Variants in COL18A1 observed in about 807,000 individuals in gnomAD.
COL18A1 encodes the protein collagen alpha-1(XVIII) chain.
Under a neutral mutation model 168.0 loss-of-function variants are expected in COL18A1, and 133 were observed. The observed-to-expected ratio is 0.79, with a 90% CI of 0.69 to 0.91. The LOEUF is 0.91. Ranked by LOEUF, COL18A1 falls within the 40% of genes least tolerant of loss-of-function variation. The pLI, the probability that COL18A1 is intolerant of heterozygous loss-of-function variation, is 0.00. For synonymous variants in COL18A1, 949 were observed against 809.0 expected (o/e 1.17, Z -2.94); for missense variants, 2,126 against 1,925.4 (o/e 1.10, Z -1.95).
intron 28 of COL18A1, 145 bp downstream of exon 28, chr21:45,495,060 C>T (rs866681794): frequency 1.6e-4 from 122 of 760,386 alleles, no homozygotes; most frequent in Admixed American, 5.8e-4. Flanking sequence ...CCTGCCTGAG[C>T]GCAGCTCTTG....
At position 45,475,049 on chromosome 21, in the gene COL18A1, G is replaced by A. The variant is rs1021817654; in HGVS notation, c.739-427G>A. On this transcript the variant is annotated intron_variant, in intron 4 of 41. Coordinates refer to ENST00000651438, the MANE Select transcript of COL18A1 (RefSeq NM_001379500.1). Reference sequence around the variant, plus strand: ...CGGTCCCTGAGGATGTTTCTCCTCCGGGTTTTCCTGAAGTTTAAAACATCC... The same window carrying A: ...CGGTCCCTGAGGATGTTTCTCCTCCAGGTTTTCCTGAAGTTTAAAACATCC... Among the ~76,000 whole-genome samples, 2 of 152,182 alleles carry A rather than the reference G, an allele frequency of 1.3e-5. 1 individual carries two copies.
chr21:45,501,521 A>C lies in COL18A1; in HGVS notation c.2684-2490A>C, dbSNP rs139268507. Among the ~76,000 whole-genome samples the C allele has an allele frequency of 4.8e-3, 732 of 152,284 alleles. 6 individuals carry two copies. The highest frequency in any genetic ancestry group is 0.031 in the Middle Eastern group (9 of 294). On this transcript the variant is annotated intron_variant, in intron 32 of 41. Transcript: ENST00000651438. ...AGGGCAGTGGTCTTCCACGTGGCTC[A>C]GGAATCCAGGAGAAGCAGGTGGAAG...
chr21:45,483,863 C>T (rs1348870660), intron 15 of COL18A1, among the ~76,000 whole-genome samples: 2 of 151,912 alleles, frequency 1.3e-5, no homozygotes, highest in East Asian at 1.9e-4. Context: ...TGCATGTGCA[C>T]ATACACACAC....
intron 2 of COL18A1, among the ~76,000 whole-genome samples, chr21:45,436,178 A>G (rs1299102083): frequency 6.6e-6 from 1 of 152,170 alleles, no homozygotes; most frequent in Non-Finnish European, 1.5e-5. Context: ...CCTCTGGTGA[A>G]TGCCCACGTG....
At chr21:45,408,796 G>A (rs541001423) in intron 2 of COL18A1, among the ~76,000 whole-genome samples, 1 of 152,286 alleles carries the variant, frequency 6.6e-6, no homozygotes, top group South Asian at 2.1e-4. Context: ...GTCTGGCTGT[G>A]GAGCGTATGT....
intron 32 of COL18A1, chr21:45,497,864 C>T (rs2036594857): frequency 5.9e-6 from 4 of 678,792 alleles, no homozygotes; most frequent in East Asian, 2.7e-5. Flanking sequence ...GGCTGCAGGG[C>T]ACAAGCCCAG....
intron 41 of COL18A1, among the ~76,000 whole-genome samples, 186 bp downstream of exon 41, chr21:45,511,412 CA>C (rs1285516359): frequency 6.6e-6 from 1 of 152,144 alleles, no homozygotes; most frequent in Admixed American, 6.5e-5. Flanking sequence ...TCATCATTAG[CA>C]ATGCGTTTGA....
chr21:45,480,323 C>T, intron 11 of COL18A1, 144 bp from the exon 12 acceptor site: 1 of 1,478,414 alleles, frequency 6.8e-7, no homozygotes, highest in Non-Finnish European at 9.3e-7. Flanking sequence ...TGCCTTCAGG[C>T]TTCTCTGGGG....
At position 45,480,766 on chromosome 21, in the gene COL18A1, C is replaced by A. The variant is rs764759377; in HGVS notation, c.1519C>A (p.Arg507Ser). 1 of 1,611,352 alleles carries A rather than the reference C, an allele frequency of 6.2e-7. No homozygotes were observed. The highest frequency in any genetic ancestry group is 1.7e-5 in the Admixed American group (1 of 59,998). ...CCCAGGCCTGCCCGGCGAGCCAGGC[C>A]GCTTTGGGGTGAACAGCTCCGACGT... Reference protein sequence around the residue: ...GVPGLPGEPGRFGVNSSDVPG... With the variant: ...GVPGLPGEPGSFGVNSSDVPG... Residue 507 changes from arginine to serine, a missense_variant, in exon 13 of 42, where the codon CGC (arginine) becomes AGC (serine). Coordinates refer to ENST00000651438, the MANE Select transcript of COL18A1 (RefSeq NM_001379500.1).
Position 45,479,901 on chromosome 21 carries a change from G to C in COL18A1, c.1249-1G>C. 1.2e-6 allele frequency: 2 copies of C among 1,613,640 alleles called. No homozygotes were observed. The highest frequency in any genetic ancestry group is 1.1e-5 in the South Asian group (1 of 91,066). ...CCGGGCCCCCGGATGTTGTGTTCCA[G>C]GGCGACACCGGGCCACAAGGCTTCC... On this transcript the variant is annotated splice_acceptor_variant, in intron 9 of 41. Transcript: ENST00000651438. LOFTEE classifies it high-confidence loss of function.
Position 45,510,204 on chromosome 21 carries a change from C to T in COL18A1, c.3636C>T (p.Asp1212=). 1 of 1,603,728 alleles carries T rather than the reference C, an allele frequency of 6.2e-7. No homozygotes were observed. Among genetic ancestry groups the T allele is most frequent in the Non-Finnish European group, 8.5e-7 (1 of 1,175,974 alleles). Reference sequence around the variant, plus strand: ...CCTTCCTGTCCTCGCGCCTGCAGGACCTGTACAGCATCGTGCGCCGTGCCG... The same window carrying T: ...CCTTCCTGTCCTCGCGCCTGCAGGATCTGTACAGCATCGTGCGCCGTGCCG... The part of the protein sequence containing the change: ...FRAFLSSRLQ[D]LYSIVRRADR... Residue 1212 remains aspartate, a synonymous_variant, in exon 40 of 42, where the codon GAC becomes GAT. Transcript: ENST00000651438.
intron 2 of COL18A1, among the ~76,000 whole-genome samples, chr21:45,467,015 G>C (rs939194776): frequency 6.6e-6 from 1 of 152,248 alleles, no homozygotes. Flanking sequence ...CCATCTGGGT[G>C]GACGGCGGCC....
chr21:45,486,950 TG>T lies in COL18A1; in HGVS notation c.1794del (p.Pro600LeufsTer124). 1 of 1,489,080 alleles carries T rather than the reference TG, an allele frequency of 6.7e-7. No individual in the cohort carries two copies. The highest frequency in any genetic ancestry group is 8.9e-7 in the Non-Finnish European group (1 of 1,120,532). 92.2% of individuals were successfully genotyped at this position (1,489,080 alleles called of 1,614,324 possible). A position where few individuals can be genotyped will look rare whatever the true frequency, so the allele number is the denominator to read the frequency against. On this transcript the variant is annotated frameshift_variant, in exon 16 of 42. Transcript: ENST00000651438. LOFTEE classifies it high-confidence loss of function. ...GACCTGCTGGACCACCAGGCCCCCC[TG>T]GGCCCCCTGGGCCCCCAGGACCAGG... ...PGPAGPPGPP[G>X]PPGPPGPGLP...
Position 45,405,394 on chromosome 21 carries a change from G to A in COL18A1, c.27G>A (p.Trp9Ter). MAPRCPWPWPRRRRLLDVL... is the reference protein window; with the variant it reads MAPRCPWP Reference sequence around the variant, plus strand: ...TCCCGCGCAGGTGCCCCTGGCCATGGCCGCGGCGGCGGCGCCTCCTGGACG... The same window carrying A: ...TCCCGCGCAGGTGCCCCTGGCCATGACCGCGGCGGCGGCGCCTCCTGGACG... The change falls in exon 2 of 42, where the codon TGG becomes TGA. Residue 9 changes from tryptophan (W) to a stop codon, truncating the protein, a stop_gained. Transcript: ENST00000651438. LOFTEE classifies it high-confidence loss of function. The A allele has an allele frequency of 7.8e-7, 1 of 1,284,308 alleles. No homozygotes were observed. The highest frequency in any genetic ancestry group is 9.8e-7 in the Non-Finnish European group (1 of 1,015,426). 79.6% of individuals were successfully genotyped at this position (1,284,308 alleles called of 1,614,324 possible). A position where few individuals can be genotyped will look rare whatever the true frequency, so the allele number is the denominator to read the frequency against.
Position 45,502,940 on chromosome 21 carries a change from A to C in COL18A1, c.2684-1071A>C, listed in dbSNP as rs1033460282. ...CAATGTACCGAAGTCACCAGATGGAAGGGCAGTCTAGAAAAACCACCACCG... is the reference window on the plus strand; with the variant it reads ...CAATGTACCGAAGTCACCAGATGGACGGGCAGTCTAGAAAAACCACCACCG... On this transcript the variant is annotated intron_variant, in intron 32 of 41. Coordinates refer to ENST00000651438, the MANE Select transcript of COL18A1 (RefSeq NM_001379500.1). 2.0e-5 allele frequency: 3 copies of C among 152,244 alleles called. No homozygotes were observed. The South Asian group carries it at 6.2e-4, about 32-fold the overall frequency. 9.4% of individuals were successfully genotyped at this position (152,244 alleles called of 1,614,324 possible).
intron 2 of COL18A1, among the ~76,000 whole-genome samples, chr21:45,451,247 G>A (rs1274675303): frequency 6.6e-6 from 1 of 152,254 alleles, no homozygotes; most frequent in East Asian, 1.9e-4. Context: ...CTGTAGCCTA[G>A]CAACAGAGGA....
intron 6 of COL18A1, among the ~76,000 whole-genome samples, chr21:45,476,925 G>T (rs535381456): frequency 0.024 from 3,431 of 143,304 alleles, 49 homozygotes; most frequent in Middle Eastern, 0.032. Context: ...TGTGTTTTGT[G>T]TGTGTGTGTG....
At chr21:45,494,606 C>G (rs764496877) in intron 27 of COL18A1, 35 bp downstream of exon 27, 3 of 1,612,544 alleles carry the variant, frequency 1.9e-6, no homozygotes, top group South Asian at 2.2e-5. Flanking sequence ...GCACTGAGCT[C>G]GGGCATGACG....
At chr21:45,467,384 G>T in intron 2 of COL18A1, 9 of 985,388 alleles carry the variant, frequency 9.1e-6, no homozygotes, top group Non-Finnish European at 1.1e-5. Context: ...TTTGCACGGA[G>T]CAGCGGGGCT....
Sources: gnomAD v4.1 joint callset for allele counts (sites outside exome capture counted in the v4.1 genomes callset) on GRCh38, gnomAD v4.1.1 for gene constraint, MANE v1.5 for transcripts, NCBI Gene and HGNC (gene_info 2026-07-23, HGNC 2026-07-21) for gene names.